The following CYP4X1 variants were observed in gnomAD, a reference collection of about 807,000 sequenced individuals.
CYP4X1 encodes cytochrome P450 family 4 subfamily X member 1.
A neutral mutation model predicts 57.9 loss-of-function variants in CYP4X1; 44 were observed. The observed-to-expected ratio is 0.76, with a 90% CI of 0.60 to 0.98. The LOEUF (loss-of-function observed/expected upper bound fraction) is 0.98, where lower values mean the gene tolerates loss of function less well. Among genes scored for constraint, CYP4X1 ranks in the 50% least tolerant of loss-of-function variants. The probability of loss-of-function intolerance (pLI) is 0.00; values close to 1 mark genes in which losing one functional copy is unlikely to be tolerated. For synonymous variants in CYP4X1, 227 were observed against 228.6 expected (o/e 0.99, Z 0.06); for missense variants, 532 against 623.9 (o/e 0.85, Z 1.57).
chr1:46,981,622 T>C, the CYP4X1 span, among the ~76,000 whole-genome samples: 3 of 152,310 alleles, frequency 2.0e-5, no homozygotes, highest in South Asian at 2.1e-4. Flanking sequence ...CCCAGCCATC[T>C]CATTACTGGG....
the CYP4X1 span, among the ~76,000 whole-genome samples, chr1:46,963,267 T>C: frequency 6.6e-6 from 1 of 152,178 alleles, no homozygotes; most frequent in Non-Finnish European, 1.5e-5. Flanking sequence ...AAGGTTAATA[T>C]TGTTATGTGT....
At chr1:46,969,997 C>T in the CYP4X1 span, among the ~76,000 whole-genome samples, 1 of 152,170 alleles carries the variant, frequency 6.6e-6, no homozygotes, top group African/African-American at 2.4e-5. Flanking sequence ...CTTTGTTAAC[C>T]TTTCATTTGT....
At position 47,041,485 on chromosome 1, in the gene CYP4X1, T is replaced by C. The variant is rs190188797; in HGVS notation, c.1073+1953T>C. Among the ~76,000 whole-genome samples the C allele has an allele frequency of 2.0e-3, 312 of 152,334 alleles. 2 individuals are homozygous for C. Among genetic ancestry groups the C allele is most frequent in the Non-Finnish European group, 2.5e-3 (167 of 68,012 alleles). ...TTGGTAATAACCATTCTAATGAGCA[T>C]GAGGTGATGTCTCATTATGGTTTTA... is the stretch of plus-strand genomic sequence containing the variant. On this transcript the variant is annotated intron_variant, in intron 8 of 11. Coordinates refer to ENST00000371901, the MANE Select transcript of CYP4X1 (RefSeq NM_178033.2).
chr1:47,041,478 A>G (rs1644245934), intron 8 of CYP4X1, among the ~76,000 whole-genome samples: 1 of 152,162 alleles, frequency 6.6e-6, no homozygotes, highest in Admixed American at 6.6e-5. Flanking sequence ...AACCATTCTA[A>G]TGAGCATGAG....
At chr1:46,974,499 A>G in the CYP4X1 span, among the ~76,000 whole-genome samples, 3 of 152,128 alleles carry the variant, frequency 2.0e-5, no homozygotes, top group African/African-American at 7.2e-5. Context: ...TTCTGCCTCA[A>G]TGATCTGTCC....
At chr1:46,976,698 G>A in the CYP4X1 span, among the ~76,000 whole-genome samples, 1 of 152,116 alleles carries the variant, frequency 6.6e-6, no homozygotes, top group East Asian at 1.9e-4. Context: ...CTCCCACTAG[G>A]GGCCAACACA....
At position 47,036,081 on chromosome 1, in the gene CYP4X1, A is replaced by ACAAGCGGTTT; in HGVS notation, c.685_686insCAAGCGGTTT (p.Ser229ThrfsTer10). On this transcript the variant is annotated frameshift_variant, in exon 6 of 12. Transcript: ENST00000371901. LOFTEE classifies it high-confidence loss of function. ...CAAAATCATATTTCACCGCTTGTAC[A>ACAAGCGGTTT]GTTTGTTGTATCACAGTGACATAAT... is the stretch of plus-strand genomic sequence containing the variant. 6.2e-7 allele frequency: 1 copy of ACAAGCGGTTT among 1,613,818 alleles called. No individual in the cohort carries two copies. The highest frequency in any genetic ancestry group is 8.5e-7 in the Non-Finnish European group (1 of 1,179,824).
At chr1:46,991,065 G>A in the CYP4X1 span, among the ~76,000 whole-genome samples, 2 of 151,228 alleles carry the variant, frequency 1.3e-5, no homozygotes, top group Non-Finnish European at 3.0e-5. Flanking sequence ...AGTCAGGAGA[G>A]GCATCCCGTT....
chr1:46,976,276 A>T, the CYP4X1 span, among the ~76,000 whole-genome samples: 1 of 152,166 alleles, frequency 6.6e-6, no homozygotes, highest in Admixed American at 6.5e-5. Context: ...TCTTAGCAAA[A>T]GGCATATCAG....
chr1:47,047,388 G>C lies in CYP4X1; in HGVS notation c.1207+788G>C, dbSNP rs1003350652. ...TGGCAAACACCTACAGCCTGTTACT[G>C]TAACTTTGCTGACAGACCCAGAATT... On this transcript the variant is annotated intron_variant, in intron 9 of 11. Transcript: ENST00000371901. 2.0e-5 allele frequency among the ~76,000 whole-genome samples: 3 copies of C among 152,210 alleles called. No homozygotes were observed. In the East Asian group the frequency reaches 5.8e-4, roughly 29 times the overall value.
chr1:47,006,793 C>G, the CYP4X1 span, among the ~76,000 whole-genome samples: 2 of 152,230 alleles, frequency 1.3e-5, no homozygotes, highest in South Asian at 2.1e-4. Flanking sequence ...TATCCTGCGA[C>G]TGGCTTGGAG....
the CYP4X1 span, among the ~76,000 whole-genome samples, chr1:46,974,600 A>T: frequency 6.6e-6 from 1 of 151,980 alleles, no homozygotes; most frequent in Non-Finnish European, 1.5e-5. Context: ...TTTTATTTAT[A>T]TATATAGGTG....
chr1:47,045,491 T>C (rs1644291235), intron 8 of CYP4X1, among the ~76,000 whole-genome samples: 1 of 152,214 alleles, frequency 6.6e-6, no homozygotes, highest in African/African-American at 2.4e-5. Flanking sequence ...TCTGGCCCAG[T>C]GTAATACTGA....
At chr1:47,039,710 G>GAA (rs3073870) in intron 8 of CYP4X1, 178 bp downstream of exon 8, 42 of 356,546 alleles carry the variant, frequency 1.2e-4, no homozygotes, top group Middle Eastern at 7.5e-4. Context: ...TGTCTTTCAG[G>GAA]AAAAAAAAAA....
At chr1:46,961,555 C>G in the CYP4X1 span, 1 of 1,223,558 alleles carries the variant, frequency 8.2e-7, no homozygotes, top group Non-Finnish European at 1.0e-6. Flanking sequence ...GGGAGAGCTG[C>G]TCTTCCTGAG....
downstream of CYP4X1, among the ~76,000 whole-genome samples, chr1:47,053,444 G>C (rs1222091372): frequency 3.3e-5 from 5 of 152,128 alleles, no homozygotes; most frequent in Non-Finnish European, 7.4e-5. Context: ...GTAATGGGAT[G>C]GCTGTGTCAA....
At chr1:47,037,812 C>T (rs1173804486) in intron 6 of CYP4X1, among the ~76,000 whole-genome samples, 2 of 152,084 alleles carry the variant, frequency 1.3e-5, no homozygotes, top group African/African-American at 4.8e-5. Flanking sequence ...ATATTTAAAT[C>T]AGAGATCTAA....
chr1:46,964,465 A>G, the CYP4X1 span, among the ~76,000 whole-genome samples: 1 of 151,960 alleles, frequency 6.6e-6, no homozygotes, highest in Non-Finnish European at 1.5e-5. Flanking sequence ...AACAGTCAGG[A>G]CCCTCAGCTG....
At position 47,050,174 on chromosome 1, in the gene CYP4X1, G is replaced by A; in HGVS notation, c.1530G>A (p.Ter510=). ...ACCTGAAGAAACTCTCTGAATGTTA[G>A]ATCTCAGGGTACAATGATTAAACGT... is the stretch of plus-strand genomic sequence containing the variant. ...YLHLKKLSEC[*] The change falls in exon 12 of 12, where the codon TAG becomes TAA. Residue 510 remains the stop codon, a stop_retained_variant. Transcript: ENST00000371901. The A allele has an allele frequency of 2.5e-6, 4 of 1,613,708 alleles. No homozygotes were observed. The highest frequency in any genetic ancestry group is 1.7e-4 in the Middle Eastern group (1 of 6,060).
Sources: gnomAD v4.1 joint callset for allele counts (sites outside exome capture counted in the v4.1 genomes callset) on GRCh38, gnomAD v4.1.1 for gene constraint, MANE v1.5 for transcripts, NCBI Gene and HGNC (gene_info 2026-07-23, HGNC 2026-07-21) for gene names.